The following FHIT variants were observed in gnomAD, a reference collection of about 807,000 sequenced individuals.
The protein encoded by FHIT is fragile histidine triad diadenosine triphosphatase.
Under a neutral mutation model 17.9 loss-of-function variants are expected in FHIT, and 19 were observed. The ratio of observed to expected loss-of-function variants is 1.06; its 90% CI spans 0.74 to 1.56. The LOEUF (loss-of-function observed/expected upper bound fraction) is 1.56, where lower values mean the gene tolerates loss of function less well. Among genes scored for constraint, FHIT ranks in the 40% most tolerant of loss-of-function variants. FHIT has a pLI of 0.00. For synonymous variants in FHIT, 81 were observed against 69.7 expected, an observed-to-expected ratio of 1.16 and a Z score of -0.81; for missense variants, 248 against 189.2, an observed-to-expected ratio of 1.31 and a Z score of -1.82.
At chr3:60,897,445 G>GT (rs1553762200) in intron 3 of FHIT, among the ~76,000 whole-genome samples, 2 of 152,130 alleles carry the variant, frequency 1.3e-5, no homozygotes, top group African/African-American at 4.8e-5. Flanking sequence ...GTGGTTTATG[G>GT]TTTTTTGCCA....
At position 60,631,658 on chromosome 3, in the gene FHIT, T is replaced by C. The variant is rs563689206; in HGVS notation, c.-17-94679A>G. On this transcript the variant is annotated intron_variant, in intron 4 of 9. Transcript: ENST00000492590. ...TCCGGAGGCACTGTCTAATTCAGAG[T>C]CTCAAAGAAATCCATCAAATTGTCT... 3.5e-4 allele frequency among the ~76,000 whole-genome samples: 54 copies of C among 152,152 alleles called. No individual in the cohort carries two copies. In the South Asian group the frequency reaches 0.011, roughly 31 times the overall value.
At chr3:60,340,981 A>C (rs1188119562) in intron 5 of FHIT, among the ~76,000 whole-genome samples, 1 of 152,014 alleles carries the variant, frequency 6.6e-6, no homozygotes, top group African/African-American at 2.4e-5. Flanking sequence ...GAGCCACTGC[A>C]CCCGGCCTAT....
At chr3:60,395,233 T>G (rs1701388292) in intron 5 of FHIT, among the ~76,000 whole-genome samples, 1 of 152,174 alleles carries the variant, frequency 6.6e-6, no homozygotes. Flanking sequence ...AGATAAGCCA[T>G]ATCATCATGA....
At chr3:60,892,515 A>T (rs2107180933) in intron 3 of FHIT, among the ~76,000 whole-genome samples, 1 of 152,300 alleles carries the variant, frequency 6.6e-6, no homozygotes, top group East Asian at 1.9e-4. Context: ...TGTAATGTAT[A>T]TTAGACGTCT....
chr3:60,221,765 CCTT>C (rs1368333821), intron 5 of FHIT, among the ~76,000 whole-genome samples: 1 of 152,094 alleles, frequency 6.6e-6, no homozygotes, highest in Non-Finnish European at 1.5e-5. Context: ...ATGACTGGCT[CCTT>C]CTCCTTCTTC....
intron 2 of FHIT, among the ~76,000 whole-genome samples, chr3:61,148,545 T>G (rs2037293287): frequency 6.6e-6 from 1 of 152,204 alleles, no homozygotes; most frequent in Non-Finnish European, 1.5e-5. Context: ...TGTTCCTTTT[T>G]GTTGGTGAGT....
At position 59,854,290 on chromosome 3, in the gene FHIT, A is replaced by C. The variant is rs556456159; in HGVS notation, c.348+68056T>G. The stretch of plus-strand genomic sequence containing the variant: ...CGCCCGGAAGCATTCCAGGGGGAAG[A>C]ACCCACAGATTTATATCTGCCACAC... On this transcript the variant is annotated intron_variant, in intron 8 of 9. Coordinates refer to ENST00000492590, the MANE Select transcript of FHIT (RefSeq NM_002012.4). Among the ~76,000 whole-genome samples the C allele has an allele frequency of 2.2e-4, 33 of 152,310 alleles. 2 individuals carry two copies. The South Asian group carries it at 6.8e-3, about 32-fold the overall frequency.
intron 5 of FHIT, among the ~76,000 whole-genome samples, chr3:60,151,298 A>G (rs1576207714): frequency 6.6e-6 from 1 of 152,250 alleles, no homozygotes; most frequent in African/African-American, 2.4e-5. Context: ...TACATTCCTG[A>G]ATATAATATG....
chr3:59,804,370 CCTTGAAGAAGAAGGTACTG>C (rs1700114326), intron 8 of FHIT, among the ~76,000 whole-genome samples: 1 of 152,154 alleles, frequency 6.6e-6, no homozygotes, highest in East Asian at 1.9e-4. Context: ...CTAGGTTTTC[CCTTGAAGAAGAAGGTACTG>C]CTGTTACTGG....
intron 5 of FHIT, among the ~76,000 whole-genome samples, chr3:60,440,492 G>A (rs2030700247): frequency 6.6e-6 from 1 of 152,028 alleles, no homozygotes; most frequent in African/African-American, 2.4e-5. Context: ...TATGTACCAG[G>A]TCCTACGCCT....
intron 5 of FHIT, among the ~76,000 whole-genome samples, chr3:60,355,202 A>T (rs756713456): frequency 6.6e-6 from 1 of 152,182 alleles, no homozygotes; most frequent in Non-Finnish European, 1.5e-5. Context: ...ACTGGAACAA[A>T]ATAGTTAGGC....
intron 5 of FHIT, among the ~76,000 whole-genome samples, chr3:60,292,496 T>C (rs1042408149): frequency 6.6e-6 from 1 of 152,130 alleles, no homozygotes; most frequent in African/African-American, 2.4e-5. Flanking sequence ...TTTCTTTCTT[T>C]AACTTTTACA....
intron 5 of FHIT, among the ~76,000 whole-genome samples, chr3:60,138,273 T>C (rs1239478410): frequency 6.6e-6 from 1 of 152,138 alleles, no homozygotes; most frequent in East Asian, 1.9e-4. Context: ...GTACACAACA[T>C]GTGAACCAAG....
At chr3:60,917,568 A>G (rs1189621090) in intron 3 of FHIT, among the ~76,000 whole-genome samples, 1 of 152,230 alleles carries the variant, frequency 6.6e-6, no homozygotes, top group African/African-American at 2.4e-5. Flanking sequence ...ACTGGCCTCT[A>G]TCAAGCACAT....
chr3:60,842,315 C>T (rs559811308), intron 3 of FHIT, among the ~76,000 whole-genome samples: 15 of 151,684 alleles, frequency 9.9e-5, no homozygotes, highest in African/African-American at 3.6e-4. Context: ...CCTAATGAGA[C>T]CATGTCTAGA....
intron 2 of FHIT, among the ~76,000 whole-genome samples, chr3:61,049,922 C>A (rs1168276780): frequency 6.6e-6 from 1 of 152,130 alleles, no homozygotes; most frequent in Non-Finnish European, 1.5e-5. Flanking sequence ...CCTCTGAAGA[C>A]ACAGGGACAC....
chr3:60,981,679 G>A (rs1710502987), intron 3 of FHIT, among the ~76,000 whole-genome samples: 1 of 151,980 alleles, frequency 6.6e-6, no homozygotes, highest in South Asian at 2.1e-4. Flanking sequence ...TATGATCATA[G>A]CACACTGTAG....
rs141457683 is a variant in FHIT at position 60,171,467 on chromosome 3, A to C, written c.104-157315T>G. 9.6e-3 allele frequency among the ~76,000 whole-genome samples: 1,464 copies of C among 152,256 alleles called. 23 individuals carry two copies. The highest frequency in any genetic ancestry group is 0.033 in the African/African-American group (1,373 of 41,574). On this transcript the variant is annotated intron_variant, in intron 5 of 9. Coordinates refer to ENST00000492590, the MANE Select transcript of FHIT (RefSeq NM_002012.4). ...AACCTCTCTAAAAACAGACACTTCA[A>C]AGAAGATGACTAATTGTGGGTGCCA...
At chr3:60,811,840 A>C (rs1344678157) in intron 4 of FHIT, among the ~76,000 whole-genome samples, 2 of 152,180 alleles carry the variant, frequency 1.3e-5, no homozygotes, top group Non-Finnish European at 2.9e-5. Context: ...ATATATTTCT[A>C]AGATCATTGT....
Sources: allele counts gnomAD v4.1 joint callset (sites outside exome capture counted in the v4.1 genomes callset), GRCh38; gene constraint gnomAD v4.1.1; transcripts MANE v1.5; gene names NCBI Gene and HGNC (gene_info 2026-07-23, HGNC 2026-07-21).